Variants in PIK3CB observed in about 807,000 individuals in gnomAD.
The protein encoded by PIK3CB is phosphatidylinositol-4,5-bisphosphate 3-kinase catalytic subunit beta, also known as phosphatidylinositol 4,5-bisphosphate 3-kinase catalytic subunit beta isoform.
In PIK3CB, 39 loss-of-function variants were observed where a neutral mutation model predicts 136.8. The ratio of observed to expected loss-of-function variants is 0.29; its 90% confidence interval spans 0.22 to 0.37. The LOEUF is 0.37. Among genes scored for constraint, PIK3CB ranks in the 10% least tolerant of loss-of-function variants. The pLI is 1.00. For synonymous variants in PIK3CB, 428 were observed against 436.6 expected (o/e 0.98, Z 0.25); for missense variants, 868 against 1,275.4 (o/e 0.68, Z 4.87).
At chr3:138,815,139 CAA>C (rs71637082) in intron 1 of PIK3CB, among the ~76,000 whole-genome samples, 181 of 38,098 alleles carry the variant, frequency 4.8e-3, no homozygotes, top group African/African-American at 0.021. Context: ...GACTCCGTCT[CAA>C]AAAAAAAAAA....
At position 138,755,934 on chromosome 3, in the gene PIK3CB, T is replaced by C. The variant is rs779251088; in HGVS notation, c.217A>G (p.Met73Val). The C allele has an allele frequency of 7.4e-6, 12 of 1,611,658 alleles. No individual in the cohort carries two copies. In the Admixed American group the frequency reaches 8.3e-5, roughly 11 times the overall value. The part of the protein sequence containing the change: ...VHNYPMFNLL[M>V]DIDSYMFACV... ...GCAAACATATAGGAGTCAATATCCA[T>C]AAGGAGGTTGAACATTGGGTAATTG... Residue 73 changes from methionine (M) to valine (V), a missense_variant, in exon 4 of 24, where the codon ATG becomes GTG. This residue lies in a region of PIK3CB where 612 missense variants were observed against 801.1 expected (regional missense o/e 0.76). Transcript: ENST00000674063.
chr3:138,781,648 G>A (rs1025819755), intron 2 of PIK3CB, among the ~76,000 whole-genome samples: 5 of 152,036 alleles, frequency 3.3e-5, no homozygotes, highest in African/African-American at 1.2e-4. Flanking sequence ...TAGAGACTGG[G>A]TTTGTCATGT....
intron 8 of PIK3CB, among the ~76,000 whole-genome samples, chr3:138,729,355 G>A (rs2044918735): frequency 6.6e-6 from 1 of 152,008 alleles, no homozygotes; most frequent in Non-Finnish European, 1.5e-5. Flanking sequence ...GGGTACCCTG[G>A]TATTTGGTCA....
chr3:138,823,385 G>A (rs1933644881), intron 1 of PIK3CB, among the ~76,000 whole-genome samples: 1 of 151,932 alleles, frequency 6.6e-6, no homozygotes, highest in East Asian at 1.9e-4. Context: ...CTTGTCAGAT[G>A]TAGTAGTAGA....
chr3:138,725,365 T>C (rs186203501), intron 8 of PIK3CB, among the ~76,000 whole-genome samples: 73 of 152,336 alleles, frequency 4.8e-4, no homozygotes, highest in African/African-American at 1.5e-3. Flanking sequence ...TTTGTGTTTC[T>C]GTCTTTTGCT....
rs760541886 is a variant in PIK3CB, at chr3:138,653,339, A to G, written c.*2050T>C. On this transcript the variant is annotated 3_prime_UTR_variant, in exon 24 of 24. Transcript: ENST00000674063. ...TGGCTCCATCAACTACTCTGTGACT[A>G]TGGTCACGTTACTTAACCCTTCAAA... The G allele has an allele frequency of 2.3e-5, 4 of 175,324 alleles. No individual in the cohort carries two copies. The highest frequency in any genetic ancestry group is 4.9e-5 in the Non-Finnish European group (4 of 81,390). The allele number at this position is 175,324 out of a possible 1,614,324, so 10.9% of individuals were successfully genotyped here.
chr3:138,721,662 TATTATTCA>T (rs1421262290), intron 8 of PIK3CB, among the ~76,000 whole-genome samples: 1 of 152,228 alleles, frequency 6.6e-6, no homozygotes, highest in East Asian at 1.9e-4. Flanking sequence ...GAAGTCCAAA[TATTATTCA>T]ATTAAAGATA....
intron 1 of PIK3CB, among the ~76,000 whole-genome samples, chr3:138,809,209 C>T (rs1390437599): frequency 6.6e-6 from 1 of 151,732 alleles, no homozygotes; most frequent in Non-Finnish European, 1.5e-5. Flanking sequence ...ACCCGAGAGG[C>T]GGAGACTGCA....
intron 2 of PIK3CB, among the ~76,000 whole-genome samples, chr3:138,770,927 G>T (rs1332044976): frequency 6.6e-6 from 1 of 151,904 alleles, no homozygotes. Flanking sequence ...GGCCAGGCTA[G>T]TCTTGAACTC....
intron 2 of PIK3CB, among the ~76,000 whole-genome samples, chr3:138,761,732 T>G (rs995182201): frequency 3.9e-5 from 6 of 152,088 alleles, no homozygotes; most frequent in African/African-American, 1.4e-4. Context: ...ACAGCACCAT[T>G]GCACTCCAGC....
chr3:138,822,861 C>T (rs565221518), intron 1 of PIK3CB, among the ~76,000 whole-genome samples: 5 of 138,856 alleles, frequency 3.6e-5, no homozygotes, highest in South Asian at 2.2e-4. Flanking sequence ...AATATATATA[C>T]GAAATATATA....
rs529088793 is a variant in PIK3CB, at chr3:138,667,584, CAG to C, written c.2505-2383_2505-2382del. Among the ~76,000 whole-genome samples the C allele has an allele frequency of 1.4e-3, 216 of 151,184 alleles. 1 individual carries two copies. Among genetic ancestry groups the C allele is most frequent in the African/African-American group, 5.2e-3 (214 of 41,324 alleles). On this transcript the variant is annotated intron_variant, in intron 19 of 23. Transcript: ENST00000674063. Reference sequence around the variant, plus strand: ...TTATTTATTTATTTATTTTTTGAGACAGAGTCTCGCTCTGTCGCCCAGGCTGG... The same window carrying C: ...TTATTTATTTATTTATTTTTTGAGACAGTCTCGCTCTGTCGCCCAGGCTGG...
chr3:138,771,126 A>G (rs1480683168), intron 2 of PIK3CB, among the ~76,000 whole-genome samples: 1 of 152,194 alleles, frequency 6.6e-6, no homozygotes, highest in Non-Finnish European at 1.5e-5. Context: ...GACGTTGCTC[A>G]AAGACAACAA....
intron 10 of PIK3CB, among the ~76,000 whole-genome samples, chr3:138,711,850 A>G (rs2044507301): frequency 6.6e-6 from 1 of 151,878 alleles, no homozygotes; most frequent in South Asian, 2.1e-4. Flanking sequence ...GGTCAGTAAC[A>G]GTGGCTCATG....
chr3:138,823,830 C>T (rs982256216), intron 1 of PIK3CB, among the ~76,000 whole-genome samples: 2 of 152,174 alleles, frequency 1.3e-5, no homozygotes, highest in African/African-American at 2.4e-5. Flanking sequence ...ACTTAAATCA[C>T]AAGAGCTCAT....
intron 20 of PIK3CB, 86 bp downstream of exon 20, chr3:138,664,949 TA>T: frequency 2.4e-6 from 2 of 831,066 alleles, no homozygotes; most frequent in Non-Finnish European, 3.6e-6. Flanking sequence ...ATATTTCCTC[TA>T]ACACACTGCT....
At chr3:138,669,625 A>G (rs957541280) in intron 19 of PIK3CB, among the ~76,000 whole-genome samples, 2 of 152,176 alleles carry the variant, frequency 1.3e-5, no homozygotes, top group Admixed American at 1.3e-4. Context: ...TTCTTCACCA[A>G]AGGAGGTCAG....
At chr3:138,779,125 G>A (rs1486711314) in intron 2 of PIK3CB, among the ~76,000 whole-genome samples, 7 of 136,136 alleles carry the variant, frequency 5.1e-5, no homozygotes, top group African/African-American at 1.1e-4. Flanking sequence ...TCGCTCTGTC[G>A]CCCAGGCTGA....
chr3:138,787,721 T>C (rs2045997493), intron 2 of PIK3CB, among the ~76,000 whole-genome samples: 1 of 131,268 alleles, frequency 7.6e-6, no homozygotes. Context: ...AAATGTATTC[T>C]TTTTTTTTTT....
Sources: allele counts gnomAD v4.1 joint callset (sites outside exome capture counted in the v4.1 genomes callset), GRCh38; gene constraint gnomAD v4.1.1; regional missense constraint gnomAD v4.1.1; transcripts MANE v1.5; gene names NCBI Gene and HGNC (gene_info 2026-07-23, HGNC 2026-07-21).